TRABD2B: variants seen among roughly 807,000 people sequenced by gnomAD.
TRABD2B encodes the protein TraB domain containing 2B.
In TRABD2B, 14 loss-of-function variants were observed where a neutral mutation model predicts 40.1. The observed-to-expected ratio is 0.35, with a 90% CI of 0.23 to 0.55. The LOEUF is 0.55. Ranked by LOEUF, TRABD2B falls within the 20% of genes least tolerant of loss-of-function variation. TRABD2B has a pLI of 0.90. For missense variants in TRABD2B, 541 were observed against 648.6 expected, an observed-to-expected ratio of 0.83 and a Z score of 1.80; for synonymous variants, 263 against 277.0, an observed-to-expected ratio of 0.95 and a Z score of 0.50.
chr1:47,907,555 A>C (rs1416475668), intron 2 of TRABD2B, among the ~76,000 whole-genome samples: 1 of 152,174 alleles, frequency 6.6e-6, no homozygotes, highest in Non-Finnish European at 1.5e-5. Flanking sequence ...AGGGAGGGGA[A>C]CTGGGATTAG....
intron 2 of TRABD2B, among the ~76,000 whole-genome samples, chr1:47,894,508 T>C (rs960078142): frequency 2.6e-5 from 4 of 152,138 alleles, no homozygotes; most frequent in African/African-American, 9.7e-5. Flanking sequence ...AGGAGCTACC[T>C]AATACCAAGT....
intron 2 of TRABD2B, among the ~76,000 whole-genome samples, chr1:47,992,628 C>T (rs534997989): frequency 1.5e-4 from 23 of 152,170 alleles, no homozygotes; most frequent in African/African-American, 7.2e-5. Context: ...CGGTGAGCGC[C>T]GGGGGTCCCG....
intron 3 of TRABD2B, among the ~76,000 whole-genome samples, chr1:47,796,907 CAG>C (rs1409204200): frequency 6.6e-6 from 1 of 152,222 alleles, no homozygotes; most frequent in African/African-American, 2.4e-5. Flanking sequence ...GCCCATGACT[CAG>C]AGGAGTTATT....
At chr1:47,934,590 T>C (rs1445509351) in intron 2 of TRABD2B, among the ~76,000 whole-genome samples, 1 of 152,236 alleles carries the variant, frequency 6.6e-6, no homozygotes, top group African/African-American at 2.4e-5. Flanking sequence ...TTGTAATTTA[T>C]TGTTTCTGCT....
At chr1:47,924,630 C>T (rs1249328232) in intron 2 of TRABD2B, among the ~76,000 whole-genome samples, 2 of 152,170 alleles carry the variant, frequency 1.3e-5, no homozygotes, top group Non-Finnish European at 2.9e-5. Flanking sequence ...CCAGGGTAGA[C>T]TGCTGGACAA....
chr1:47,911,745 C>T (rs1215654889), intron 2 of TRABD2B, among the ~76,000 whole-genome samples: 3 of 152,120 alleles, frequency 2.0e-5, no homozygotes, highest in African/African-American at 7.2e-5. Flanking sequence ...TGCTGTCTGT[C>T]CACCAGGACG....
In TRABD2B at chr1:47,996,669, C is replaced by T; in HGVS notation, c.102+19G>A. 8.1e-7 allele frequency: 1 copy of T among 1,228,462 alleles called. No individual in the cohort carries two copies. Among genetic ancestry groups the T allele is most frequent in the Non-Finnish European group, 1.0e-6 (1 of 984,730 alleles). 76.1% of individuals were successfully genotyped at this position (1,228,462 alleles called of 1,614,324 possible). A position where few individuals can be genotyped will look rare whatever the true frequency, so the allele number is the denominator to read the frequency against. The stretch of plus-strand genomic sequence containing the variant: ...ATACCCAGGCAGGCGGGAGAGTGGC[C>T]GGGCAGGCGCTCGCTCACCGATCCG... On this transcript the variant is annotated intron_variant, in intron 1 of 6. Coordinates refer to ENST00000606738, the MANE Select transcript of TRABD2B (RefSeq NM_001194986.2). The surrounding 1 kb of genome is among the most constrained non-coding windows in gnomAD (Gnocchi z 4.6).
intron 2 of TRABD2B, among the ~76,000 whole-genome samples, chr1:47,990,908 G>A (rs983797410): frequency 6.8e-6 from 1 of 146,028 alleles, no homozygotes; most frequent in African/African-American, 2.5e-5. Context: ...CCACTGTGCT[G>A]AGCTGTCTAC....
chr1:47,810,274 T>C (rs1247946165), intron 2 of TRABD2B, among the ~76,000 whole-genome samples: 2 of 152,106 alleles, frequency 1.3e-5, no homozygotes, highest in Non-Finnish European at 2.9e-5. Flanking sequence ...GTGCGATCTC[T>C]GCTTGCTGCA....
At chr1:47,943,253 G>A (rs993271178) in intron 2 of TRABD2B, among the ~76,000 whole-genome samples, 3 of 152,160 alleles carry the variant, frequency 2.0e-5, no homozygotes, top group African/African-American at 7.2e-5. Flanking sequence ...TTTTTGGCAC[G>A]AAATTTCACA....
Position 47,764,468 on chromosome 1 carries a change from T to C in TRABD2B, c.*1434A>G, listed in dbSNP as rs553110419. ...TGAGGAGCCGAGGGGCTAAAGTCTC[T>C]CGGAGTCCCTGTCACCTGCCTCCCC... On this transcript the variant is annotated 3_prime_UTR_variant, in exon 7 of 7. Coordinates refer to ENST00000606738, the MANE Select transcript of TRABD2B (RefSeq NM_001194986.2). The C allele has an allele frequency of 1.3e-5, 2 of 152,344 alleles. No individual in the cohort carries two copies. Among genetic ancestry groups the C allele is most frequent in the East Asian group, 3.9e-4 (2 of 5,168 alleles). The allele number at this position is 152,344 out of a possible 1,614,324, so 9.4% of individuals were successfully genotyped here. A position where few individuals can be genotyped will look rare whatever the true frequency, so the allele number is the denominator to read the frequency against.
chr1:47,836,206 T>C (rs1645316382), intron 2 of TRABD2B, among the ~76,000 whole-genome samples: 1 of 152,248 alleles, frequency 6.6e-6, no homozygotes, highest in African/African-American at 2.4e-5. Flanking sequence ...TAGATGACCT[T>C]GGGCAAGTAA....
chr1:47,848,425 G>A (rs1645501741), intron 2 of TRABD2B, among the ~76,000 whole-genome samples: 1 of 152,168 alleles, frequency 6.6e-6, no homozygotes, highest in Non-Finnish European at 1.5e-5. Context: ...GCTATCCTGA[G>A]TGGGCAGAAC....
chr1:47,965,201 CGGGGGGGGGTGGA>C (rs1645581202), intron 2 of TRABD2B, among the ~76,000 whole-genome samples: 1 of 9,498 alleles, frequency 1.1e-4, no homozygotes, highest in African/African-American at 4.2e-4. Context: ...TGGCGGGGGG[CGGGGGGGGGTGGA>C]GGGGGGGGTG....
rs529023572 is a variant in TRABD2B, at chr1:47,914,456, G to C, written c.666+79578C>G. 3.3e-5 allele frequency among the ~76,000 whole-genome samples: 5 copies of C among 152,360 alleles called. No homozygotes were observed. In the South Asian group the frequency reaches 1.0e-3, roughly 32 times the overall value. ...GAGCGGGGAGCTCCTTGGTGACAGG[G>C]AGGGAGCCAGAGCAATGTAGGGAGG... On this transcript the variant is annotated intron_variant, in intron 2 of 6. Coordinates refer to ENST00000606738, the MANE Select transcript of TRABD2B (RefSeq NM_001194986.2).
intron 4 of TRABD2B, among the ~76,000 whole-genome samples, 177 bp downstream of exon 4, chr1:47,794,409 C>A (rs932788215): frequency 3.3e-5 from 5 of 152,102 alleles, no homozygotes; most frequent in Non-Finnish European, 5.9e-5. Context: ...TATGGAAGAA[C>A]CCTTGACCCG....
intron 2 of TRABD2B, among the ~76,000 whole-genome samples, chr1:47,958,714 G>A (rs1340312722): frequency 6.6e-6 from 1 of 152,144 alleles, no homozygotes; most frequent in Admixed American, 6.5e-5. Context: ...CATAAAGCAA[G>A]TCCTTAGAGA....
chr1:47,891,379 G>A (rs1459368198), intron 2 of TRABD2B, among the ~76,000 whole-genome samples: 1 of 152,178 alleles, frequency 6.6e-6, no homozygotes, highest in Non-Finnish European at 1.5e-5. Context: ...CTACTATGCA[G>A]GCAGGGGAGG....
At chr1:47,854,937 G>T (rs1253007657) in intron 2 of TRABD2B, among the ~76,000 whole-genome samples, 1 of 152,144 alleles carries the variant, frequency 6.6e-6, no homozygotes. Flanking sequence ...GTGTGATGTA[G>T]GGCAAGCTGC....
Sources: allele counts gnomAD v4.1 joint callset (sites outside exome capture counted in the v4.1 genomes callset), GRCh38; gene constraint gnomAD v4.1.1; non-coding constraint Gnocchi (gnomAD v3.1); transcripts MANE v1.5; gene names NCBI Gene and HGNC (gene_info 2026-07-23, HGNC 2026-07-21).